PDCL: variants seen among roughly 807,000 people sequenced by gnomAD.
PDCL encodes the protein phosducin like, also known as phosducin-like protein.
Under a neutral mutation model 26.7 loss-of-function variants are expected in PDCL, and 11 were observed. That is an observed-to-expected ratio of 0.41 (90% CI 0.26 to 0.68). The LOEUF is 0.68. Ranked by LOEUF, PDCL falls within the 30% of genes least tolerant of loss-of-function variation. The pLI is 0.30. For synonymous variants in PDCL, 118 were observed against 134.9 expected, an observed-to-expected ratio of 0.87 and a Z score of 0.87; for missense variants, 330 against 371.6, an observed-to-expected ratio of 0.89 and a Z score of 0.92.
chr9:122,822,649 C>A (rs1460862116), intron 3 of PDCL, among the ~76,000 whole-genome samples: 1 of 152,142 alleles, frequency 6.6e-6, no homozygotes, highest in Non-Finnish European at 1.5e-5. Context: ...AATACCACCA[C>A]CCTAAGAGGG....
chr9:122,818,827 A>C lies in PDCL; in HGVS notation c.*1258T>G, dbSNP rs1172041768. The C allele has an allele frequency of 6.6e-6, 1 of 152,096 alleles. No homozygotes were observed. The highest frequency in any genetic ancestry group is 1.5e-5 in the Non-Finnish European group (1 of 67,988). The allele number at this position is 152,096 out of a possible 1,614,324, so 9.4% of individuals were successfully genotyped here. A position where few individuals can be genotyped will look rare whatever the true frequency, so the allele number is the denominator to read the frequency against. On this transcript the variant is annotated 3_prime_UTR_variant, in exon 4 of 4. Coordinates refer to ENST00000259467, the MANE Select transcript of PDCL (RefSeq NM_005388.5). ...ACTAGAAATATGACAAAAGGGATTAATTTTGGTTGGTGGAATTATATGGCT... is the reference window on the plus strand; with the variant it reads ...ACTAGAAATATGACAAAAGGGATTACTTTTGGTTGGTGGAATTATATGGCT...
In PDCL at chr9:122,820,119, C is replaced by T. The variant is rs776527690; in HGVS notation, c.872G>A (p.Cys291Tyr). Residue 291 changes from cysteine to tyrosine, a missense_variant, in exon 4 of 4, where the codon TGT becomes TAT. Cys to Tyr is a radical substitution (Grantham distance 194, BLOSUM62 -2). Transcript: ENST00000259467. ...TTCCAGGTCGCTATCCTCACTGTGACACGTGGCAGAGTTACGCACAGATGT... is the reference window on the plus strand; with the variant it reads ...TTCCAGGTCGCTATCCTCACTGTGATACGTGGCAGAGTTACGCACAGATGT... ...VLTSVRNSATCHSEDSDLEID is the reference protein window; with the variant it reads ...VLTSVRNSATYHSEDSDLEID The T allele has an allele frequency of 6.2e-7, 1 of 1,612,308 alleles. No individual in the cohort carries two copies. Among genetic ancestry groups the T allele is most frequent in the Admixed American group, 1.7e-5 (1 of 59,758 alleles).
chr9:122,820,271 C>G lies in PDCL; in HGVS notation c.720G>C (p.Lys240Asn). Residue 240 changes from lysine to asparagine, a missense_variant, in exon 4 of 4, where the codon AAG becomes AAC. By Grantham distance (94) the Lys-to-Asn change is moderately conservative. Transcript: ENST00000259467. ...RNALPALLIY[K>N]GGELIGNFVR... The stretch of plus-strand genomic sequence containing the variant: ...CAAAATTGCCGATCAATTCACCCCC[C>G]TTATAGATCAGCAGGGCAGGAAGGG... 2 of 1,614,160 alleles carry G rather than the reference C, an allele frequency of 1.2e-6. No homozygotes were observed. Among genetic ancestry groups the G allele is most frequent in the Non-Finnish European group, 8.5e-7 (1 of 1,180,026 alleles).
At chr9:122,827,091 T>C (rs1475524477) in intron 1 of PDCL, among the ~76,000 whole-genome samples, 1 of 152,212 alleles carries the variant, frequency 6.6e-6, no homozygotes, top group Non-Finnish European at 1.5e-5. Flanking sequence ...GCCTGAGGTA[T>C]AAATTACTCT....
chr9:122,823,605 T>C (rs1369414470), intron 2 of PDCL, among the ~76,000 whole-genome samples: 2 of 152,226 alleles, frequency 1.3e-5, no homozygotes, highest in Non-Finnish European at 2.9e-5. Context: ...ATAATTTATG[T>C]ACATAGATAT....
intron 2 of PDCL, among the ~76,000 whole-genome samples, chr9:122,825,429 T>C (rs1427506263): frequency 6.6e-6 from 1 of 152,190 alleles, no homozygotes; most frequent in Non-Finnish European, 1.5e-5. Context: ...CCCAAAGTGC[T>C]AGGATTACAG....
At position 122,820,512 on chromosome 9, in the gene PDCL, T is replaced by A; in HGVS notation, c.479A>T (p.Gln160Leu). The A allele has an allele frequency of 6.2e-7, 1 of 1,614,120 alleles. No homozygotes were observed. The highest frequency in any genetic ancestry group is 8.5e-7 in the Non-Finnish European group (1 of 1,180,018). The change falls in exon 4 of 4, where the codon CAG (glutamine) becomes CTG (leucine). Residue 160 changes from glutamine (Q) to leucine (L), a missense_variant. Gln to Leu is a moderately radical substitution (Grantham distance 113). Transcript: ENST00000259467. ...QQLHKGPQFK[Q>L]VFEISSGEGF... ...TTCTCCACTGGAGATCTCAAAAACC[T>A]GCTTGAATTGGGGCCCCTTGTGAAG...
intron 3 of PDCL, among the ~76,000 whole-genome samples, chr9:122,822,044 T>A (rs760909575): frequency 6.6e-6 from 1 of 152,208 alleles, no homozygotes; most frequent in Non-Finnish European, 1.5e-5. Context: ...TGGCTTCTTC[T>A]GACCTATTGA....
chr9:122,825,655 C>G (rs1829615049), intron 2 of PDCL, among the ~76,000 whole-genome samples: 10 of 152,046 alleles, frequency 6.6e-5, no homozygotes, highest in Admixed American at 6.6e-4. Context: ...ATTTACCACT[C>G]ATATCACAGA....
In PDCL at chr9:122,828,540, T is replaced by G. The variant is rs1564270582; in HGVS notation, c.-75A>C. The G allele has an allele frequency of 6.6e-6, 1 of 152,166 alleles. No individual in the cohort carries two copies. The allele number at this position is 152,166 out of a possible 1,614,324, so 9.4% of individuals were successfully genotyped here. On this transcript the variant is annotated 5_prime_UTR_variant, in exon 1 of 4. Coordinates refer to ENST00000259467, the MANE Select transcript of PDCL (RefSeq NM_005388.5). The stretch of plus-strand genomic sequence containing the variant: ...CGCCGGAAGGAATGGAGCACTTTCT[T>G]AAGAGGAAGAGCAGTGGGTCAGCGC...
At chr9:122,822,875 A>T in intron 3 of PDCL, 141 bp downstream of exon 3, 1 of 727,538 alleles carries the variant, frequency 1.4e-6, no homozygotes, top group South Asian at 1.7e-5. Context: ...GGTGGGTTTG[A>T]GTTTTGACAG....
chr9:122,828,305 G>C (rs1829655722), intron 1 of PDCL, among the ~76,000 whole-genome samples, 166 bp downstream of exon 1: 1 of 152,122 alleles, frequency 6.6e-6, no homozygotes, highest in African/African-American at 2.4e-5. Flanking sequence ...GGCTGGAAGG[G>C]CCCGGGGGAG....
At chr9:122,827,770 TC>T (rs983831121) in intron 1 of PDCL, among the ~76,000 whole-genome samples, 2 of 152,020 alleles carry the variant, frequency 1.3e-5, no homozygotes, top group Non-Finnish European at 2.9e-5. Context: ...GGACCAGGCT[TC>T]TGCATCAGAA....
intron 2 of PDCL, among the ~76,000 whole-genome samples, chr9:122,823,770 ATTT>A (rs5900545): frequency 2.2e-5 from 3 of 137,234 alleles, no homozygotes. Context: ...TATTATCTGA[ATTT>A]TTTTTTTTTT....
chr9:122,824,405 G>A (rs1385204457), intron 2 of PDCL, among the ~76,000 whole-genome samples: 1 of 152,144 alleles, frequency 6.6e-6, no homozygotes, highest in East Asian at 1.9e-4. Flanking sequence ...TGAAAACGGT[G>A]TGTCCTAAAT....
rs1829531696 is a variant in PDCL at position 122,820,024 on chromosome 9, A to G, written c.*61T>C. On this transcript the variant is annotated 3_prime_UTR_variant, in exon 4 of 4. Coordinates refer to ENST00000259467, the MANE Select transcript of PDCL (RefSeq NM_005388.5). Reference sequence around the variant, plus strand: ...AAAGCCAGAAGACAAAGGAACAAAAATAAACAATGACGTGTATTCCAACCC... The same window carrying G: ...AAAGCCAGAAGACAAAGGAACAAAAGTAAACAATGACGTGTATTCCAACCC... 5 of 1,389,476 alleles carry G rather than the reference A, an allele frequency of 3.6e-6. No homozygotes were observed. In the African/African-American group the frequency reaches 5.8e-5, roughly 16 times the overall value. 86.1% of individuals were successfully genotyped at this position (1,389,476 alleles called of 1,614,324 possible).
intron 2 of PDCL, among the ~76,000 whole-genome samples, chr9:122,824,743 T>A (rs1178824912): frequency 6.6e-6 from 1 of 152,246 alleles, no homozygotes; most frequent in Non-Finnish European, 1.5e-5. Context: ...TCTATATATT[T>A]AATGCATTCC....
rs1485736619 is a variant in PDCL at position 122,820,195 on chromosome 9, C to T, written c.796G>A (p.Ala266Thr). 1.2e-6 allele frequency: 2 copies of T among 1,614,086 alleles called. No individual in the cohort carries two copies. The highest frequency in any genetic ancestry group is 2.2e-5 in the East Asian group (1 of 44,894). Residue 266 changes from alanine (A) to threonine (T), a missense_variant, in exon 4 of 4, where the codon GCT (alanine) becomes ACT (threonine). Physicochemically the swap from Ala to Thr is moderately conservative, Grantham distance 58. Transcript: ENST00000259467. ...AGTAATCCAAATTCCTGGAGAAAAG[C>T]TTCAAGGTCCACAGCAAAGAAATCA... ...GDDFFAVDLE[A>T]FLQEFGLLPE...
Position 122,819,966 on chromosome 9 carries a change from T to C in PDCL, c.*119A>G. The stretch of plus-strand genomic sequence containing the variant: ...TTAATCTAAGAATTTCTTTATTTTA[T>C]GCATAATAAAAGGGACTACAAAGAA... On this transcript the variant is annotated 3_prime_UTR_variant, in exon 4 of 4. Transcript: ENST00000259467. 2 of 732,618 alleles carry C rather than the reference T, an allele frequency of 2.7e-6. No individual in the cohort carries two copies. Among genetic ancestry groups the C allele is most frequent in the Non-Finnish European group, 4.4e-6 (2 of 455,110 alleles). 45.4% of individuals were successfully genotyped at this position (732,618 alleles called of 1,614,324 possible).
Sources: allele counts gnomAD v4.1 joint callset (sites outside exome capture counted in the v4.1 genomes callset), GRCh38; gene constraint gnomAD v4.1.1; transcripts MANE v1.5; gene names NCBI Gene and HGNC (gene_info 2026-07-23, HGNC 2026-07-21).